The following DNAH17 variants were observed in gnomAD, a reference collection of about 807,000 sequenced individuals.
The protein encoded by DNAH17 is axonemal beta dynein heavy chain 17.
A neutral mutation model predicts 485.6 loss-of-function variants in DNAH17; 376 were observed. The ratio of observed to expected loss-of-function variants is 0.77; its 90% confidence interval spans 0.71 to 0.84. DNAH17 has a LOEUF of 0.84. Among genes scored for constraint, DNAH17 ranks in the 40% least tolerant of loss-of-function variants. The pLI, the probability that DNAH17 is intolerant of heterozygous loss-of-function variation, is 0.00. For missense variants in DNAH17, 6,370 were observed against 5,839.3 expected (o/e 1.09, Z -2.96); for synonymous variants, 3,031 against 2,405.9 (o/e 1.26, Z -7.60).
intron 73 of DNAH17, among the ~76,000 whole-genome samples, chr17:78,438,249 T>C (rs1365700526): frequency 6.6e-6 from 1 of 150,688 alleles, no homozygotes; most frequent in Non-Finnish European, 1.5e-5. Context: ...CGACACACAC[T>C]GTAAGACCCG....
At chr17:78,541,849 C>G (rs1278870682) in intron 17 of DNAH17, among the ~76,000 whole-genome samples, 3 of 152,102 alleles carry the variant, frequency 2.0e-5, no homozygotes, top group African/African-American at 7.2e-5. Context: ...TTAACTCTTC[C>G]AAGTAACATT....
chr17:78,500,143 G>C lies in DNAH17; in HGVS notation c.5640+162C>G, dbSNP rs1379603487. ...GTCTTTCCAGAGGGACCACCTGAGG[G>C]GGATGCTACCAGCAAGTGGGGGCCC... is the stretch of plus-strand genomic sequence containing the variant. On this transcript the variant is annotated intron_variant, in intron 36 of 80. Coordinates refer to ENST00000389840, the MANE Select transcript of DNAH17 (RefSeq NM_173628.4). The C allele has an allele frequency of 1.9e-5, 14 of 753,644 alleles. 1 individual carries two copies. Among genetic ancestry groups the C allele is most frequent in the Admixed American group, 1.3e-4 (4 of 31,944 alleles). 46.7% of individuals were successfully genotyped at this position (753,644 alleles called of 1,614,324 possible).
intron 26 of DNAH17, among the ~76,000 whole-genome samples, chr17:78,514,503 CAAAA>C (rs79884057): frequency 8.9e-6 from 1 of 112,156 alleles, no homozygotes; most frequent in South Asian, 3.0e-4. Flanking sequence ...GACTCCGTCT[CAAAA>C]AAAAAAAAAA....
chr17:78,426,871 T>G lies in DNAH17; in HGVS notation c.12771+55A>C, dbSNP rs2086490291. 4 of 1,552,768 alleles carry G rather than the reference T, an allele frequency of 2.6e-6. No individual in the cohort carries two copies. The South Asian group carries it at 3.5e-5, about 14-fold the overall frequency. Reference sequence around the variant, plus strand: ...GCCTGGGTTGCCAGAGGCCTGGGTTTCTGCTGGTTTCACCATCCAGCCACG... The same window carrying G: ...GCCTGGGTTGCCAGAGGCCTGGGTTGCTGCTGGTTTCACCATCCAGCCACG... On this transcript the variant is annotated intron_variant, in intron 78 of 80. Transcript: ENST00000389840.
At position 78,575,021 on chromosome 17, in the gene DNAH17, C is replaced by T. The variant is rs566536410; in HGVS notation, c.37G>A (p.Glu13Lys). 5.6e-6 allele frequency: 9 copies of T among 1,613,836 alleles called. No homozygotes were observed. Among genetic ancestry groups the T allele is most frequent in the Admixed American group, 1.7e-5 (1 of 60,004 alleles). The change falls in exon 2 of 81, where the codon GAG (glutamate) becomes AAG (lysine). Residue 13 changes from glutamate (E) to lysine (K), a missense_variant. Coordinates refer to ENST00000389840, the MANE Select transcript of DNAH17 (RefSeq NM_173628.4). ...TTCAGGACGATGGAGGCAACTTCCT[C>T]CAGATACTCTAGTCTGACGTCCGGG... Reference protein sequence around the residue: ...MAPDVRLEYLEEVASIVLKFK... With the variant: ...MAPDVRLEYLKEVASIVLKFK...
At chr17:78,542,144 CT>C (rs375269334) in intron 17 of DNAH17, among the ~76,000 whole-genome samples, 97 of 130,966 alleles carry the variant, frequency 7.4e-4, no homozygotes, top group Middle Eastern at 4.0e-3. Flanking sequence ...CCCTAAAATA[CT>C]TTTTTTTTTT....
intron 54 of DNAH17, 137 bp from the exon 55 acceptor site, chr17:78,469,020 A>G (rs754811889): frequency 2.5e-5 from 28 of 1,122,382 alleles, no homozygotes; most frequent in Non-Finnish European, 3.2e-5. Context: ...CTGGAGTGCA[A>G]TGGCACAATC....
At chr17:78,426,326 G>C (rs564232451) in intron 79 of DNAH17, 131 bp downstream of exon 79, 2 of 1,172,030 alleles carry the variant, frequency 1.7e-6, no homozygotes. Flanking sequence ...TTCTGGCCCT[G>C]ATCTGACAGA....
At chr17:78,547,125 C>T (rs2091784782) in intron 16 of DNAH17, among the ~76,000 whole-genome samples, 1 of 152,144 alleles carries the variant, frequency 6.6e-6, no homozygotes, top group Non-Finnish European at 1.5e-5. Flanking sequence ...TCTTTATATA[C>T]TTACCTCTTT....
At chr17:78,428,201 C>T (rs990295770) in intron 77 of DNAH17, 20 of 410,982 alleles carry the variant, frequency 4.9e-5, no homozygotes, top group East Asian at 1.6e-4. Context: ...GGGGAATGGT[C>T]GGTGCCCTTC....
intron 25 of DNAH17, among the ~76,000 whole-genome samples, chr17:78,516,691 GAAAAAAAAA>G (rs1168693263): frequency 1.1e-5 from 1 of 88,722 alleles, no homozygotes; most frequent in Non-Finnish European, 2.3e-5. Flanking sequence ...CTCCATCTCA[GAAAAAAAAA>G]AAAAAAAAAA....
intron 1 of DNAH17, among the ~76,000 whole-genome samples, chr17:78,575,873 A>G (rs2092426607): frequency 6.6e-6 from 1 of 152,276 alleles, no homozygotes; most frequent in Admixed American, 6.5e-5. Context: ...ATGAATGCAA[A>G]CAAATTTATG....
At chr17:78,559,899 G>A (rs62075926) in intron 13 of DNAH17, among the ~76,000 whole-genome samples, 28,431 of 151,896 alleles carry the variant, frequency 0.19, 3,217 homozygotes, top group Middle Eastern at 0.27. Flanking sequence ...CCCGCATGCC[G>A]TGCTGCAAAG....
At chr17:78,480,370 A>C (rs745913166) in intron 49 of DNAH17, among the ~76,000 whole-genome samples, 9 of 152,120 alleles carry the variant, frequency 5.9e-5, no homozygotes, top group East Asian at 1.9e-4. Context: ...AAAACAACAA[A>C]AAAAGAACGG....
intron 71 of DNAH17, among the ~76,000 whole-genome samples, chr17:78,443,279 G>A (rs72925845): frequency 0.087 from 13,180 of 152,222 alleles, 616 homozygotes; most frequent in Non-Finnish European, 0.11. Flanking sequence ...ACTCCCACAG[G>A]AGAGGGTGAT....
Position 78,450,783 on chromosome 17 carries a change from G to A in DNAH17, c.10798C>T (p.Leu3600=), listed in dbSNP as rs1188386068. 2 of 1,614,080 alleles carry A rather than the reference G, an allele frequency of 1.2e-6. No homozygotes were observed. The highest frequency in any genetic ancestry group is 1.1e-5 in the South Asian group (1 of 91,092). ...CCCGACGCAGCCGACAGACGGGCCA[G>A]GAGCGAATCTTCCAGCTCTTTCAGA... ...IVLKELEDSL[L]ARLSAASGNF... is the part of the protein sequence containing the mutation. Residue 3600 remains leucine (L), a synonymous_variant, in exon 67 of 81, where the codon CTG becomes TTG. Transcript: ENST00000389840.
In DNAH17 at chr17:78,444,621, G is replaced by A. The variant is rs377390224; in HGVS notation, c.11511C>T (p.Arg3837=). The A allele has an allele frequency of 3.2e-6, 5 of 1,574,856 alleles. No homozygotes were observed. The highest frequency in any genetic ancestry group is 2.3e-5 in the South Asian group (2 of 86,100). The change falls in exon 71 of 81, where the codon CGC becomes CGT. Residue 3837 remains arginine, a synonymous_variant. Transcript: ENST00000389840. ...LCMVRCLRPD[R]MTYAIKNFVE... is the part of the protein sequence containing the mutation. ...ACACTCACTTGATAGCGTAGGTCAT[G>A]CGATCTGGCCGCAGGCAGCGCACCA...
At chr17:78,515,285 G>C (rs954067163) in intron 25 of DNAH17, among the ~76,000 whole-genome samples, 1 of 152,206 alleles carries the variant, frequency 6.6e-6, no homozygotes, top group Non-Finnish European at 1.5e-5. Context: ...GAGGTGAGCA[G>C]ATTACCTGAG....
At chr17:78,482,070 CTTT>C (rs36105381) in intron 48 of DNAH17, among the ~76,000 whole-genome samples, 1,392 of 130,636 alleles carry the variant, frequency 0.011, 14 homozygotes, top group East Asian at 0.026. Context: ...ACACTAGTTA[CTTT>C]TTTTTTTTTT....
Sources: allele counts gnomAD v4.1 joint callset (sites outside exome capture counted in the v4.1 genomes callset), GRCh38; gene constraint gnomAD v4.1.1; transcripts MANE v1.5; gene names NCBI Gene and HGNC (gene_info 2026-07-23, HGNC 2026-07-21).